ATP10B: variants seen among roughly 807,000 people sequenced by gnomAD.
ATP10B encodes ATPase phospholipid transporting 10B (putative).
ATP10B carries 122 observed loss-of-function variants against 141.2 expected under a neutral mutation model. The ratio of observed to expected loss-of-function variants is 0.86; its 90% CI spans 0.75 to 1.00. The LOEUF (loss-of-function observed/expected upper bound fraction) is 1.00. Ranked by LOEUF, ATP10B falls within the 50% of genes least tolerant of loss-of-function variation. The probability of loss-of-function intolerance (pLI) is 0.00; values close to 1 mark genes in which losing one functional copy is unlikely to be tolerated. For missense variants in ATP10B, 1,876 were observed against 1,825.3 expected (o/e 1.03, Z -0.51); for synonymous variants, 685 against 692.0 (o/e 0.99, Z 0.16).
chr5:160,894,086 G>T, the ATP10B span, among the ~76,000 whole-genome samples: 1 of 151,992 alleles, frequency 6.6e-6, no homozygotes, highest in African/African-American at 2.4e-5. Context: ...CGAAGATGAA[G>T]AAAAACCAGC....
chr5:160,806,287 C>T (rs1465293842), intron 1 of ATP10B, among the ~76,000 whole-genome samples: 2 of 152,176 alleles, frequency 1.3e-5, no homozygotes, highest in Non-Finnish European at 2.9e-5. Context: ...AAGAGAGTTG[C>T]CAGTCCAATT....
chr5:160,688,299 T>C (rs1023487514), intron 4 of ATP10B, among the ~76,000 whole-genome samples: 7 of 152,204 alleles, frequency 4.6e-5, no homozygotes, highest in Admixed American at 2.6e-4. Context: ...ATTAGAGTCA[T>C]AAGGATTTTG....
chr5:160,623,590 C>T (rs565035252), intron 13 of ATP10B, among the ~76,000 whole-genome samples: 12 of 152,156 alleles, frequency 7.9e-5, no homozygotes, highest in East Asian at 5.8e-4. Flanking sequence ...TGGATCTGAC[C>T]CATGGATTTC....
chr5:160,863,883 T>G, the ATP10B span, among the ~76,000 whole-genome samples: 1 of 151,894 alleles, frequency 6.6e-6, no homozygotes, highest in Non-Finnish European at 1.5e-5. Context: ...GCAACCCTCC[T>G]AGATTAAACT....
chr5:160,697,263 G>A (rs1250188770), intron 3 of ATP10B, among the ~76,000 whole-genome samples: 1 of 152,136 alleles, frequency 6.6e-6, no homozygotes, highest in Admixed American at 6.6e-5. Context: ...TTGTAGTGTG[G>A]ACCTGCCCAG....
chr5:160,653,763 A>C (rs1581276203), intron 7 of ATP10B, among the ~76,000 whole-genome samples: 1 of 107,894 alleles, frequency 9.3e-6, no homozygotes, highest in Admixed American at 1.1e-4. Context: ...ATAAATATAT[A>C]TAATATATAC....
chr5:160,585,647 C>T (rs772454463), intron 24 of ATP10B, among the ~76,000 whole-genome samples: 18 of 152,116 alleles, frequency 1.2e-4, no homozygotes, highest in Non-Finnish European at 1.9e-4. Context: ...AAACAGCTTG[C>T]CATTGTTATC....
At chr5:160,630,408 T>C (rs1758857289) in intron 13 of ATP10B, among the ~76,000 whole-genome samples, 1 of 152,216 alleles carries the variant, frequency 6.6e-6, no homozygotes, top group Admixed American at 6.5e-5. Flanking sequence ...CTTGTCAGAC[T>C]GAACAAGGGG....
At chr5:160,868,003 A>T in the ATP10B span, among the ~76,000 whole-genome samples, 1 of 152,134 alleles carries the variant, frequency 6.6e-6, no homozygotes, top group African/African-American at 2.4e-5. Flanking sequence ...ACTAAGGGGT[A>T]ATATCACCGA....
the ATP10B span, among the ~76,000 whole-genome samples, chr5:160,862,689 C>T: frequency 6.6e-6 from 1 of 151,964 alleles, no homozygotes; most frequent in Admixed American, 6.6e-5. Flanking sequence ...TGGTACAATC[C>T]ATCAGCAGCT....
At chr5:160,734,968 G>A (rs1364851409) in intron 2 of ATP10B, among the ~76,000 whole-genome samples, 1 of 151,636 alleles carries the variant, frequency 6.6e-6, no homozygotes, top group Non-Finnish European at 1.5e-5. Context: ...AAGCCTCATA[G>A]TAACCTCAAA....
intron 10 of ATP10B, among the ~76,000 whole-genome samples, chr5:160,637,996 G>A (rs1759543044): frequency 6.6e-6 from 1 of 152,234 alleles, no homozygotes; most frequent in Non-Finnish European, 1.5e-5. Flanking sequence ...CTGAATGGAT[G>A]AGGAGGACTT....
chr5:160,741,108 G>C (rs1033493310), intron 2 of ATP10B, among the ~76,000 whole-genome samples: 1 of 152,146 alleles, frequency 6.6e-6, no homozygotes, highest in Non-Finnish European at 1.5e-5. Context: ...CCTCTCCCAG[G>C]CTTGTACAAA....
At chr5:160,699,253 C>G (rs1162657433) in intron 3 of ATP10B, among the ~76,000 whole-genome samples, 2 of 152,178 alleles carry the variant, frequency 1.3e-5, no homozygotes, top group African/African-American at 4.8e-5. Flanking sequence ...TAACATCCCT[C>G]TAGGCAGAAA....
At chr5:160,816,577 G>A (rs1295304285) in intron 1 of ATP10B, among the ~76,000 whole-genome samples, 2 of 152,146 alleles carry the variant, frequency 1.3e-5, no homozygotes, top group Non-Finnish European at 2.9e-5. Context: ...AGAGGTACAA[G>A]GAGGGGCTGG....
At chr5:160,627,777 G>T (rs1274056790) in intron 13 of ATP10B, among the ~76,000 whole-genome samples, 2 of 152,120 alleles carry the variant, frequency 1.3e-5, no homozygotes, top group African/African-American at 4.8e-5. Flanking sequence ...GGTTAAAAAA[G>T]CACAGTCCTA....
chr5:160,636,933 C>T (rs1759424201), intron 10 of ATP10B, among the ~76,000 whole-genome samples: 1 of 151,340 alleles, frequency 6.6e-6, no homozygotes, highest in South Asian at 2.1e-4. Flanking sequence ...TCTATTCATT[C>T]ATCCATCCAC....
At chr5:160,885,946 G>A in the ATP10B span, among the ~76,000 whole-genome samples, 13 of 152,080 alleles carry the variant, frequency 8.5e-5, no homozygotes, top group African/African-American at 3.1e-4. Context: ...ATTCATTTTT[G>A]TATCCTCCAC....
At chr5:160,685,790 G>A (rs1478246121) in intron 6 of ATP10B, among the ~76,000 whole-genome samples, 3 of 152,030 alleles carry the variant, frequency 2.0e-5, no homozygotes, top group South Asian at 4.2e-4. Context: ...ATTTTGACTG[G>A]TTAATAATTG....
Sources: allele counts gnomAD v4.1 joint callset (sites outside exome capture counted in the v4.1 genomes callset), GRCh38; gene constraint gnomAD v4.1.1; transcripts MANE v1.5; gene names NCBI Gene and HGNC (gene_info 2026-07-23, HGNC 2026-07-21).